The following KAT6A variants were observed in gnomAD, a reference collection of about 807,000 sequenced individuals.
KAT6A encodes the protein histone acetyltransferase KAT6A.
In KAT6A, 9 loss-of-function variants were observed where a neutral mutation model predicts 198.4. The ratio of observed to expected loss-of-function variants is 0.05; its 90% CI spans 0.03 to 0.08. The LOEUF (loss-of-function observed/expected upper bound fraction) is 0.08. Ranked by LOEUF, KAT6A falls within the 10% of genes least tolerant of loss-of-function variation. KAT6A has a pLI of 1.00. For missense variants in KAT6A, 2,077 were observed against 2,509.9 expected (o/e 0.83, Z 3.69); for synonymous variants, 890 against 883.0 (o/e 1.01, Z -0.14).
intron 2 of KAT6A, among the ~76,000 whole-genome samples, chr8:42,027,187 T>C (rs1009058442): frequency 1.3e-5 from 2 of 152,204 alleles, no homozygotes; most frequent in African/African-American, 2.4e-5. Context: ...TATCAGTATT[T>C]TGTTGAGGAT....
intron 2 of KAT6A, among the ~76,000 whole-genome samples, chr8:41,989,620 T>C (rs1019992742): frequency 6.6e-6 from 1 of 152,064 alleles, no homozygotes; most frequent in Admixed American, 6.5e-5. Context: ...CATGTAGCAA[T>C]ACCCACTGAC....
Position 41,943,856 on chromosome 8 carries a change from T to C in KAT6A, c.2120A>G (p.Asn707Ser), listed in dbSNP as rs776551097. 3.1e-6 allele frequency: 5 copies of C among 1,613,778 alleles called. No individual in the cohort carries two copies. Among genetic ancestry groups the C allele is most frequent in the Non-Finnish European group, 4.2e-6 (5 of 1,179,914 alleles). ...SVILECLYHQ[N>S]DKQISIKKLS... is the part of the protein sequence containing the mutation. ...CTTCTTAATGCTGATCTGCTTGTCA[T>C]TTTGGTGATAAAGGCACTCCAATAT... The change falls in exon 13 of 17, where the codon AAT becomes AGT. Residue 707 changes from asparagine to serine, a missense_variant. Transcript: ENST00000265713.
At chr8:41,967,329 G>A (rs1587755863) in intron 8 of KAT6A, among the ~76,000 whole-genome samples, 1 of 123,044 alleles carries the variant, frequency 8.1e-6, no homozygotes, top group Admixed American at 7.9e-5. Context: ...AAGTTTTAGG[G>A]TACATGTGCA....
intron 2 of KAT6A, among the ~76,000 whole-genome samples, chr8:42,008,080 C>T (rs1300351679): frequency 6.6e-6 from 1 of 150,422 alleles, no homozygotes; most frequent in Non-Finnish European, 1.5e-5. Context: ...GGAAAAGATA[C>T]TAAGCATCAA....
intron 15 of KAT6A, among the ~76,000 whole-genome samples, chr8:41,940,016 T>TAAAACAAAAC (rs928773042): frequency 6.6e-6 from 1 of 152,208 alleles, no homozygotes; most frequent in Non-Finnish European, 1.5e-5. Flanking sequence ...ATATTATTCT[T>TAAAACAAAAC]AAAACAAAAC....
chr8:41,945,988 C>T (rs986179879), intron 12 of KAT6A, among the ~76,000 whole-genome samples: 9 of 151,528 alleles, frequency 5.9e-5, no homozygotes, highest in Non-Finnish European at 8.8e-5. Context: ...CGAGATCACG[C>T]CACTGCACTC....
At chr8:42,013,914 T>C (rs1342341128) in intron 2 of KAT6A, among the ~76,000 whole-genome samples, 1 of 152,172 alleles carries the variant, frequency 6.6e-6, no homozygotes. Flanking sequence ...ACAGTAAATA[T>C]ATTCAGTTCT....
At chr8:42,037,996 T>C (rs1827462671) in intron 2 of KAT6A, among the ~76,000 whole-genome samples, 1 of 152,150 alleles carries the variant, frequency 6.6e-6, no homozygotes, top group Non-Finnish European at 1.5e-5. Context: ...AGACACTATG[T>C]TTATAGAAGT....
chr8:42,004,923 C>T (rs940526240), intron 2 of KAT6A, among the ~76,000 whole-genome samples: 11 of 151,360 alleles, frequency 7.3e-5, no homozygotes, highest in East Asian at 3.9e-4. Context: ...AGTGAAACTC[C>T]GTCTCTAAAA....
At chr8:41,946,531 C>CAT (rs1587726868) in intron 12 of KAT6A, 60 bp downstream of exon 12, 24 of 716,450 alleles carry the variant, frequency 3.3e-5, no homozygotes, top group Middle Eastern at 2.9e-4. Context: ...CACACACACA[C>CAT]ACACACACAC....
intron 2 of KAT6A, among the ~76,000 whole-genome samples, chr8:42,031,922 T>C (rs1299731084): frequency 1.3e-5 from 2 of 151,506 alleles, no homozygotes; most frequent in East Asian, 1.9e-4. Context: ...TGAGCCACCA[T>C]GCCTGGTCGT....
chr8:42,002,790 T>G (rs1482477713), intron 2 of KAT6A, among the ~76,000 whole-genome samples: 2 of 152,236 alleles, frequency 1.3e-5, no homozygotes, highest in Non-Finnish European at 2.9e-5. Flanking sequence ...TTCTAATTTT[T>G]TATTATATGC....
chr8:41,942,462 A>G (rs550885589), intron 14 of KAT6A: 7 of 327,488 alleles, frequency 2.1e-5, no homozygotes, highest in South Asian at 4.8e-5. Context: ...TCATTTTTAA[A>G]AACTGTCAGA....
chr8:41,952,855 C>T (rs985894750), intron 9 of KAT6A, among the ~76,000 whole-genome samples: 1 of 151,542 alleles, frequency 6.6e-6, no homozygotes, highest in East Asian at 1.9e-4. Flanking sequence ...AAGAGAACTA[C>T]GAATATAAAG....
rs758769465 is a variant in KAT6A, at chr8:41,933,804, T to A, written c.4416A>T (p.Glu1472Asp). 1.2e-6 allele frequency: 2 copies of A among 1,614,104 alleles called. No individual in the cohort carries two copies. Among genetic ancestry groups the A allele is most frequent in the South Asian group, 2.2e-5 (2 of 91,078 alleles). The change falls in exon 17 of 17, where the codon GAA becomes GAT. Residue 1472 changes from glutamate to aspartate, a missense_variant. Glu to Asp is a conservative substitution (Grantham distance 45, BLOSUM62 2). Coordinates refer to ENST00000265713, the MANE Select transcript of KAT6A (RefSeq NM_006766.5). This position sits in a 1 kb window ranked among gnomAD's most constrained non-coding sequence, Gnocchi z 6.2. ...ADEDPQMSMV[E>D]DCHASEHNSP... ...TATTATGTTCTGACGCATGACAGTCTTCAACCATGGACATCTGAGGGTCCT... is the reference window on the plus strand; with the variant it reads ...TATTATGTTCTGACGCATGACAGTCATCAACCATGGACATCTGAGGGTCCT...
chr8:41,953,000 GA>G (rs1217500585), intron 9 of KAT6A, among the ~76,000 whole-genome samples: 1 of 152,106 alleles, frequency 6.6e-6, no homozygotes, highest in East Asian at 1.9e-4. Context: ...GGAAGTTGAT[GA>G]ATTTTACAAG....
chr8:42,018,209 A>G (rs959072346), intron 2 of KAT6A, among the ~76,000 whole-genome samples: 1 of 152,250 alleles, frequency 6.6e-6, no homozygotes, highest in Non-Finnish European at 1.5e-5. Context: ...AAAATGTCAC[A>G]GAAAATTGTT....
chr8:41,954,119 C>T (rs1376060457), intron 9 of KAT6A, among the ~76,000 whole-genome samples: 1 of 152,098 alleles, frequency 6.6e-6, no homozygotes, highest in Non-Finnish European at 1.5e-5. Flanking sequence ...TTTTTGTTAG[C>T]TGTCACTTTG....
At position 41,937,530 on chromosome 8, in the gene KAT6A, G is replaced by A. The variant is rs1040003734; in HGVS notation, c.3078C>T (p.Arg1026=). Residue 1026 remains arginine, a synonymous_variant, in exon 16 of 17, where the codon CGC becomes CGT. Transcript: ENST00000265713. ...FLHRRRRVRK[R]KHHNSSVVTE... ...TGACTACACTGCTATTGTGGTGTTT[G>A]CGCTTTCGGACTCTCCTCCTTCGGT... 6.8e-6 allele frequency: 11 copies of A among 1,613,880 alleles called. No homozygotes were observed. Among genetic ancestry groups the A allele is most frequent in the Non-Finnish European group, 9.3e-6 (11 of 1,179,870 alleles).
Sources: gnomAD v4.1 joint callset for allele counts (sites outside exome capture counted in the v4.1 genomes callset) on GRCh38, gnomAD v4.1.1 for gene constraint, Gnocchi (gnomAD v3.1) non-coding constraint, MANE v1.5 for transcripts, NCBI Gene and HGNC (gene_info 2026-07-23, HGNC 2026-07-21) for gene names.